Variants in DLGAP2 observed in about 807,000 individuals in gnomAD.
DLGAP2 encodes the protein disks large-associated protein 2.
In DLGAP2, 26 loss-of-function variants were observed where a neutral mutation model predicts 100.3. The ratio of observed to expected loss-of-function variants is 0.26; its 90% CI spans 0.19 to 0.36. The LOEUF (loss-of-function observed/expected upper bound fraction) is 0.36. DLGAP2 is among the 10% of genes least tolerant of loss of function. DLGAP2 has a pLI of 1.00. For missense variants in DLGAP2, 1,858 were observed against 1,453.2 expected, an observed-to-expected ratio of 1.28 and a Z score of -4.53; for synonymous variants, 886 against 630.1, an observed-to-expected ratio of 1.41 and a Z score of -6.08.
At position 1,444,768 on chromosome 8, in the gene DLGAP2, ATTCTTT is replaced by A. The variant is rs1797935302; in HGVS notation, c.107-56595_107-56590del. On this transcript the variant is annotated intron_variant, in intron 3 of 14. Coordinates refer to ENST00000637795, the MANE Select transcript of DLGAP2 (RefSeq NM_001346810.2). ...TCATGATCATGCTTTGAGCCAGGTCATTCTTTTTTTTTTTTTTTTTTTTTTTTTGAG... is the reference window on the plus strand; with the variant it reads ...TCATGATCATGCTTTGAGCCAGGTCATTTTTTTTTTTTTTTTTTTTTTGAG... 4.9e-5 allele frequency among the ~76,000 whole-genome samples: 6 copies of A among 123,544 alleles called. No homozygotes were observed. In the South Asian group the frequency reaches 1.5e-3, roughly 31 times the overall value. The allele number at this position is 123,544 out of a possible 152,430, so 81.0% of individuals were successfully genotyped here.
At chr8:1,373,306 G>C (rs1386676388) in intron 3 of DLGAP2, among the ~76,000 whole-genome samples, 4 of 151,854 alleles carry the variant, frequency 2.6e-5, no homozygotes, top group African/African-American at 7.2e-5. Flanking sequence ...CAGGGGCCGC[G>C]GGCGGCAGCT....
intron 3 of DLGAP2, among the ~76,000 whole-genome samples, chr8:1,466,449 T>C (rs1332434001): frequency 6.6e-6 from 1 of 151,582 alleles, no homozygotes. Context: ...GGAGACACGG[T>C]GGCTCAAAAG....
At chr8:1,598,150 A>T (rs1796517420) in intron 6 of DLGAP2, among the ~76,000 whole-genome samples, 1 of 152,210 alleles carries the variant, frequency 6.6e-6, no homozygotes, top group Admixed American at 6.5e-5. Context: ...GGTTCTGTTT[A>T]TGTGATAGAT....
chr8:798,802 C>T (rs1408064363), intron 1 of DLGAP2, among the ~76,000 whole-genome samples: 2 of 148,344 alleles, frequency 1.3e-5, no homozygotes, highest in East Asian at 2.0e-4. Flanking sequence ...TGGTGCTGGC[C>T]AGGTGATGGG....
chr8:1,417,620 C>T (rs1383641274), intron 3 of DLGAP2, among the ~76,000 whole-genome samples: 3 of 12,836 alleles, frequency 2.3e-4, no homozygotes, highest in African/African-American at 8.6e-4. Flanking sequence ...GACTTCACTG[C>T]GTGGCCGCCT....
chr8:982,725 C>T (rs1000776404), intron 2 of DLGAP2, among the ~76,000 whole-genome samples: 1 of 152,072 alleles, frequency 6.6e-6, no homozygotes, highest in Admixed American at 6.5e-5. Context: ...CTGACCTAAC[C>T]AATAAGTCTC....
chr8:1,650,246 T>A (rs1484108945), intron 8 of DLGAP2, among the ~76,000 whole-genome samples: 2 of 152,246 alleles, frequency 1.3e-5, no homozygotes, highest in Non-Finnish European at 2.9e-5. Flanking sequence ...GGAGAGGTAC[T>A]TTATAAAAGG....
At chr8:1,151,880 T>C (rs1373838528) in intron 2 of DLGAP2, among the ~76,000 whole-genome samples, 3 of 152,236 alleles carry the variant, frequency 2.0e-5, no homozygotes. Context: ...GGAAGTAAAA[T>C]TAAGGGTCCA....
intron 2 of DLGAP2, among the ~76,000 whole-genome samples, chr8:1,071,071 C>T (rs372592857): frequency 6.6e-6 from 1 of 152,192 alleles, no homozygotes; most frequent in African/African-American, 2.4e-5. Context: ...GTTTCGGGGG[C>T]GACCCGGGCC....
intron 2 of DLGAP2, among the ~76,000 whole-genome samples, chr8:1,066,950 G>A (rs1405652046): frequency 1.3e-5 from 2 of 152,206 alleles, no homozygotes; most frequent in South Asian, 2.1e-4. Context: ...CGCAGCAGGC[G>A]GCCCAGTGGC....
intron 1 of DLGAP2, among the ~76,000 whole-genome samples, chr8:905,458 C>A (rs187973581): frequency 7.4e-4 from 113 of 152,258 alleles, no homozygotes; most frequent in African/African-American, 2.1e-3. Flanking sequence ...ATTCCCCCCC[C>A]ACAGCCCTTT....
chr8:1,255,550 C>CTCA (rs1227234346), intron 2 of DLGAP2, among the ~76,000 whole-genome samples: 3 of 123,406 alleles, frequency 2.4e-5, no homozygotes, highest in Admixed American at 7.9e-5. Flanking sequence ...TGTCTGTCCT[C>CTCA]TCCTGCCTGG....
intron 1 of DLGAP2, among the ~76,000 whole-genome samples, chr8:863,849 A>T (rs1023988923): frequency 2.2e-4 from 34 of 152,182 alleles, no homozygotes; most frequent in Admixed American, 1.2e-3. Flanking sequence ...CAGCAATCCC[A>T]CTACTGGCTA....
intron 12 of DLGAP2, among the ~76,000 whole-genome samples, chr8:1,683,987 T>TATATATATATATAC (rs1178906686): frequency 6.0e-5 from 6 of 99,668 alleles, no homozygotes; most frequent in East Asian, 2.8e-4. Context: ...TATATATATA[T>TATATATATATATAC]ACTTTTTTTT....
Position 1,267,637 on chromosome 8 carries a change from G to GAAATAAAATAAAATAATAAAA in DLGAP2, c.106+8754_106+8755insAAATAAAATAAAATAATAAAA, listed in dbSNP as rs1382093781. Reference sequence around the variant, plus strand: ...ATAAGATAAGATAAATATTAAATAGGTCTACAAAAAGGCCTCCAGGGTCAG... The same window carrying GAAATAAAATAAAATAATAAAA: ...ATAAGATAAGATAAATATTAAATAGGAAATAAAATAAAATAATAAAATCTACAAAAAGGCCTCCAGGGTCAG... On this transcript the variant is annotated intron_variant, in intron 3 of 14. Transcript: ENST00000637795. Among the ~76,000 whole-genome samples, 82 of 91,956 alleles carry GAAATAAAATAAAATAATAAAA rather than the reference G, an allele frequency of 8.9e-4. 6 individuals are homozygous for GAAATAAAATAAAATAATAAAA. Among genetic ancestry groups the GAAATAAAATAAAATAATAAAA allele is most frequent in the African/African-American group, 3.5e-3 (82 of 23,152 alleles). The allele number at this position is 91,956 out of a possible 152,430, so 60.3% of individuals were successfully genotyped here.
chr8:1,246,772 G>C (rs1386958407), intron 2 of DLGAP2: 1 of 152,548 alleles, frequency 6.6e-6, no homozygotes, highest in Non-Finnish European at 1.5e-5. Flanking sequence ...GCAGATGCTT[G>C]TGTGAGTCTG....
At chr8:783,023 G>A (rs190855902) in intron 1 of DLGAP2, among the ~76,000 whole-genome samples, 11 of 152,308 alleles carry the variant, frequency 7.2e-5, no homozygotes, top group Admixed American at 2.0e-4. Flanking sequence ...CCGCATGACC[G>A]CATGATAACA....
intron 6 of DLGAP2, among the ~76,000 whole-genome samples, chr8:1,574,080 T>C (rs1802865599): frequency 6.6e-6 from 1 of 152,014 alleles, no homozygotes. Flanking sequence ...AAGCGGTGGG[T>C]AGGAGAGCAT....
chr8:1,008,973 G>C (rs1444963924), intron 2 of DLGAP2, among the ~76,000 whole-genome samples: 1 of 152,230 alleles, frequency 6.6e-6, no homozygotes, highest in Non-Finnish European at 1.5e-5. Flanking sequence ...ATGCAGAATC[G>C]CACTGCCATG....
Sources: gnomAD v4.1 joint callset for allele counts (sites outside exome capture counted in the v4.1 genomes callset) on GRCh38, gnomAD v4.1.1 for gene constraint, MANE v1.5 for transcripts, NCBI Gene and HGNC (gene_info 2026-07-23, HGNC 2026-07-21) for gene names.